Variants in PIK3C2G observed in about 807,000 individuals in gnomAD.
PIK3C2G encodes the protein phosphatidylinositol 3-kinase C2 domain-containing subunit gamma.
In PIK3C2G, 168 loss-of-function variants were observed where a neutral mutation model predicts 181.1. The observed-to-expected ratio is 0.93, with a 90% CI of 0.82 to 1.05. The LOEUF (loss-of-function observed/expected upper bound fraction) is 1.05. Ranked by LOEUF, PIK3C2G falls within the 50% of genes least tolerant of loss-of-function variation. PIK3C2G has a pLI of 0.00. For synonymous variants in PIK3C2G, 573 were observed against 592.2 expected (o/e 0.97, Z 0.47); for missense variants, 1,869 against 1,732.8 (o/e 1.08, Z -1.40).
intron 8 of PIK3C2G, among the ~76,000 whole-genome samples, chr12:18,336,861 T>C (rs527572445): frequency 3.3e-5 from 5 of 152,254 alleles, no homozygotes; most frequent in African/African-American, 4.8e-5. Flanking sequence ...TTTGTAAAAT[T>C]ACATATCAGA....
intron 11 of PIK3C2G, among the ~76,000 whole-genome samples, chr12:18,349,404 T>C (rs1939998342): frequency 6.6e-6 from 1 of 152,242 alleles, no homozygotes; most frequent in African/African-American, 2.4e-5. Context: ...TTTGTTAAGG[T>C]ACAGGACTCT....
the PIK3C2G span, among the ~76,000 whole-genome samples, chr12:18,722,678 A>G: frequency 6.6e-6 from 1 of 152,028 alleles, no homozygotes; most frequent in African/African-American, 2.4e-5. Flanking sequence ...AAGTGTTTTT[A>G]CCCATTGAAA....
chr12:18,348,797 A>C (rs1411669202), intron 11 of PIK3C2G, among the ~76,000 whole-genome samples: 3 of 152,196 alleles, frequency 2.0e-5, no homozygotes, highest in Admixed American at 6.5e-5. Context: ...ACAAACTTTG[A>C]TGAGTTCACA....
In PIK3C2G at chr12:18,546,446, TG is replaced by T. The variant is rs1272928708; in HGVS notation, c.3590+15del. ...TCATTTTACCAAGTAAGATCACCTA[TG>T]AATGTGTGAGCATGCATGCATGAAT... is the stretch of plus-strand genomic sequence containing the variant. On this transcript the variant is annotated intron_variant, in intron 26 of 32. Transcript: ENST00000538779. The T allele has an allele frequency of 7.2e-7, 1 of 1,383,524 alleles. No homozygotes were observed. The highest frequency in any genetic ancestry group is 1.4e-5 in the African/African-American group (1 of 70,448). The allele number at this position is 1,383,524 out of a possible 1,614,324, so 85.7% of individuals were successfully genotyped here.
chr12:18,357,938 T>C (rs1940894188), intron 11 of PIK3C2G, among the ~76,000 whole-genome samples: 1 of 152,228 alleles, frequency 6.6e-6, no homozygotes, highest in Admixed American at 6.5e-5. Flanking sequence ...TTCTTCCTTG[T>C]CAAGGTTGAA....
intron 5 of PIK3C2G, among the ~76,000 whole-genome samples, chr12:18,305,476 G>A (rs1360956855): frequency 1.3e-5 from 2 of 152,092 alleles, no homozygotes; most frequent in Non-Finnish European, 2.9e-5. Context: ...TATTATTGTA[G>A]ATGTATAATA....
intron 24 of PIK3C2G, among the ~76,000 whole-genome samples, chr12:18,532,964 G>A (rs111297078): frequency 4.1e-5 from 6 of 146,986 alleles, no homozygotes; most frequent in African/African-American, 1.3e-4. Flanking sequence ...TTAGCAGCAT[G>A]TATTTCATGC....
upstream of PIK3C2G, among the ~76,000 whole-genome samples, chr12:18,246,068 GA>G (rs1258793817): frequency 2.0e-5 from 3 of 152,134 alleles, no homozygotes; most frequent in African/African-American, 4.8e-5. Context: ...CAAAGCTTTA[GA>G]AGTATCTTTA....
At chr12:18,698,626 T>C in the PIK3C2G span, among the ~76,000 whole-genome samples, 1 of 152,118 alleles carries the variant, frequency 6.6e-6, no homozygotes, top group Non-Finnish European at 1.5e-5. Flanking sequence ...AGATGGTAGA[T>C]TGCATTTTTT....
the PIK3C2G span, among the ~76,000 whole-genome samples, chr12:18,722,431 G>T: frequency 6.6e-6 from 1 of 151,960 alleles, no homozygotes; most frequent in South Asian, 2.1e-4. Flanking sequence ...AAATAAGTTT[G>T]GTTTTTTAGA....
chr12:18,550,535 A>T (rs1372592852), intron 26 of PIK3C2G, among the ~76,000 whole-genome samples: 1 of 151,940 alleles, frequency 6.6e-6, no homozygotes, highest in East Asian at 1.9e-4. Flanking sequence ...CAAAAAAAAA[A>T]TGGTTTGTCA....
chr12:18,616,396 C>T (rs922194884), intron 31 of PIK3C2G, among the ~76,000 whole-genome samples: 1 of 152,056 alleles, frequency 6.6e-6, no homozygotes, highest in Non-Finnish European at 1.5e-5. Context: ...TCCAGAAAAG[C>T]TTAAGCTATA....
Position 18,366,897 on chromosome 12 carries a change from G to T in PIK3C2G, c.1748+4011G>T, listed in dbSNP as rs565949816. Among the ~76,000 whole-genome samples the T allele has an allele frequency of 2.6e-5, 4 of 151,992 alleles. No homozygotes were observed. In the East Asian group the frequency reaches 5.8e-4, roughly 22 times the overall value. Reference sequence around the variant, plus strand: ...TTATTCTGGCTTTAAAAATTCATAGGTATTAAAGAATGGATAAATAACTCC... The same window carrying T: ...TTATTCTGGCTTTAAAAATTCATAGTTATTAAAGAATGGATAAATAACTCC... On this transcript the variant is annotated intron_variant, in intron 12 of 32. Coordinates refer to ENST00000538779, the MANE Select transcript of PIK3C2G (RefSeq NM_001288772.2).
At chr12:18,627,957 C>A (rs1033177573) in intron 31 of PIK3C2G, among the ~76,000 whole-genome samples, 1 of 152,098 alleles carries the variant, frequency 6.6e-6, no homozygotes, top group Non-Finnish European at 1.5e-5. Context: ...CTATTAAATA[C>A]AATTAAGCCT....
At chr12:18,589,835 G>T (rs1316376661) in intron 29 of PIK3C2G, among the ~76,000 whole-genome samples, 5 of 151,896 alleles carry the variant, frequency 3.3e-5, no homozygotes, top group African/African-American at 1.2e-4. Flanking sequence ...AAAACAAACA[G>T]GATTGTAATG....
chr12:18,439,218 G>A (rs982528916), intron 18 of PIK3C2G, among the ~76,000 whole-genome samples: 1 of 152,010 alleles, frequency 6.6e-6, no homozygotes, highest in African/African-American at 2.4e-5. Context: ...CATGCTAAGT[G>A]TCAGAACAAG....
intron 30 of PIK3C2G, among the ~76,000 whole-genome samples, chr12:18,599,306 TAC>T (rs1406332884): frequency 8.7e-4 from 133 of 152,272 alleles, no homozygotes; most frequent in Middle Eastern, 3.4e-3. Context: ...CACCATGGAA[TAC>T]TATGCAGCCA....
At chr12:18,597,044 AG>A (rs1196314046) in intron 30 of PIK3C2G, among the ~76,000 whole-genome samples, 1 of 152,096 alleles carries the variant, frequency 6.6e-6, no homozygotes, top group Non-Finnish European at 1.5e-5. Context: ...TGATCTGGGA[AG>A]AAAAAGATTA....
At chr12:18,550,921 T>C (rs886467279) in intron 26 of PIK3C2G, among the ~76,000 whole-genome samples, 1 of 152,024 alleles carries the variant, frequency 6.6e-6, no homozygotes, top group African/African-American at 2.4e-5. Context: ...TTGAAAGAAA[T>C]AAACAGCTTT....
Sources: gnomAD v4.1 joint callset for allele counts (sites outside exome capture counted in the v4.1 genomes callset) on GRCh38, gnomAD v4.1.1 for gene constraint, MANE v1.5 for transcripts, NCBI Gene and HGNC (gene_info 2026-07-23, HGNC 2026-07-21) for gene names.